Variants in HERC4 observed in about 807,000 individuals in gnomAD.
HERC4 encodes probable E3 ubiquitin-protein ligase HERC4.
In HERC4, 28 loss-of-function variants were observed where a neutral mutation model predicts 124.3. The observed-to-expected ratio is 0.23, with a 90% CI of 0.17 to 0.31. The LOEUF (loss-of-function observed/expected upper bound fraction) is 0.31. HERC4 is among the 10% of genes least tolerant of loss of function. The pLI is 1.00. For synonymous variants in HERC4, 407 were observed against 421.5 expected (o/e 0.97, Z 0.42); for missense variants, 713 against 1,229.3 (o/e 0.58, Z 6.28).
In HERC4 at chr10:68,026,442, TA is replaced by T. The variant is rs1023124105; in HGVS notation, c.778-767del. ...AGCTGCTATAATATACAGATGTTTT[TA>T]AAAAAAACTCCCTATAAAAACATAT... On this transcript the variant is annotated intron_variant, in intron 7 of 24. Coordinates refer to ENST00000373700, the MANE Select transcript of HERC4 (RefSeq NM_015601.4). 1.4e-4 allele frequency among the ~76,000 whole-genome samples: 22 copies of T among 152,002 alleles called. No homozygotes were observed. In the East Asian group the frequency reaches 2.9e-3, roughly 20 times the overall value.
intron 15 of HERC4, among the ~76,000 whole-genome samples, chr10:67,971,487 A>G (rs1204517310): frequency 6.6e-6 from 1 of 150,534 alleles, no homozygotes; most frequent in Non-Finnish European, 1.5e-5. Context: ...TTTAACATCC[A>G]ACTATCAATG....
chr10:67,965,937 T>C (rs904853751), intron 16 of HERC4: 3 of 152,204 alleles, frequency 2.0e-5, no homozygotes, highest in Non-Finnish European at 4.4e-5. Flanking sequence ...TATAAGACCA[T>C]GGTACTATTT....
intron 4 of HERC4, among the ~76,000 whole-genome samples, chr10:68,041,694 ATG>A (rs916907819): frequency 6.6e-6 from 1 of 152,160 alleles, no homozygotes; most frequent in African/African-American, 2.4e-5. Context: ...GTGCAAAGTT[ATG>A]TGTTTCCACT....
At chr10:68,036,086 G>A (rs986390146) in intron 5 of HERC4, among the ~76,000 whole-genome samples, 7 of 151,872 alleles carry the variant, frequency 4.6e-5, no homozygotes, top group Admixed American at 6.6e-5. Flanking sequence ...AGGCTGAGGC[G>A]GGAGGATCAC....
At chr10:68,030,724 C>A (rs1196513938) in intron 7 of HERC4, among the ~76,000 whole-genome samples, 2 of 152,148 alleles carry the variant, frequency 1.3e-5, no homozygotes, top group African/African-American at 4.8e-5. Context: ...AATTTCAAAT[C>A]TTTGGGGTAG....
intron 16 of HERC4, among the ~76,000 whole-genome samples, chr10:67,958,711 T>C (rs1052673664): frequency 2.0e-5 from 3 of 152,244 alleles, no homozygotes; most frequent in African/African-American, 7.2e-5. Context: ...AATTAATCAA[T>C]TTTAAAAATG....
At chr10:67,956,793 G>T in intron 17 of HERC4, 85 bp downstream of exon 17, 1 of 815,302 alleles carries the variant, frequency 1.2e-6, no homozygotes, top group Non-Finnish European at 1.9e-6. Flanking sequence ...CTTCATTACT[G>T]ATCCTAGGAA....
At position 67,927,428 on chromosome 10, in the gene HERC4, A is replaced by AATT. The variant is rs2031228478; in HGVS notation, c.2839-2242_2839-2241insAAT. On this transcript the variant is annotated intron_variant, in intron 23 of 24. Coordinates refer to ENST00000373700, the MANE Select transcript of HERC4 (RefSeq NM_015601.4). The stretch of plus-strand genomic sequence containing the variant: ...TATATATATATATATATATATATAT[A>AATT]TATTTTTTTTTTTTTTTAGATAGAG... 4.7e-4 allele frequency among the ~76,000 whole-genome samples: 12 copies of AATT among 25,630 alleles called. 1 individual carries two copies. The highest frequency in any genetic ancestry group is 6.6e-4 in the African/African-American group (10 of 15,218). 16.8% of individuals were successfully genotyped at this position (25,630 alleles called of 152,430 possible).
intron 24 of HERC4, 82 bp from the exon 25 acceptor site, chr10:67,923,221 G>T: frequency 9.7e-7 from 1 of 1,028,740 alleles, no homozygotes; most frequent in Non-Finnish European, 1.5e-6. Context: ...AGTCGCTACA[G>T]CAGAGCTTCA....
intron 4 of HERC4, chr10:68,040,266 A>G (rs1243579489): frequency 3.1e-6 from 3 of 982,360 alleles, no homozygotes; most frequent in Non-Finnish European, 3.6e-6. Context: ...ATCTTTTACC[A>G]TTATATGCTA....
intron 9 of HERC4, among the ~76,000 whole-genome samples, chr10:67,998,670 C>G (rs1001425199): frequency 1.3e-5 from 2 of 152,054 alleles, no homozygotes; most frequent in Non-Finnish European, 2.9e-5. Context: ...GGTTCTCTAA[C>G]CTTATTGTTT....
chr10:68,047,701 C>T (rs1013758310), intron 3 of HERC4, among the ~76,000 whole-genome samples: 6 of 152,100 alleles, frequency 3.9e-5, no homozygotes, highest in Admixed American at 6.6e-5. Flanking sequence ...CCTATTAGAA[C>T]GGCCACAAGA....
At chr10:67,981,593 C>T (rs1303260536) in intron 15 of HERC4, among the ~76,000 whole-genome samples, 1 of 152,206 alleles carries the variant, frequency 6.6e-6, no homozygotes, top group African/African-American at 2.4e-5. Context: ...CATTGTTCTC[C>T]TTAGCACATG....
chr10:68,022,899 C>T (rs1461825928), intron 8 of HERC4, among the ~76,000 whole-genome samples: 1 of 151,148 alleles, frequency 6.6e-6, no homozygotes, highest in African/African-American at 2.4e-5. Flanking sequence ...TAAAGATGTA[C>T]AAATGGTCAA....
intron 16 of HERC4, among the ~76,000 whole-genome samples, chr10:67,964,611 T>A (rs7477454): frequency 1.3e-5 from 2 of 152,246 alleles, no homozygotes; most frequent in Middle Eastern, 3.4e-3. Context: ...AAGTGATCAT[T>A]CAAAAAGATC....
intron 15 of HERC4, among the ~76,000 whole-genome samples, chr10:67,969,642 G>A (rs1389458400): frequency 6.6e-6 from 1 of 152,156 alleles, no homozygotes; most frequent in Non-Finnish European, 1.5e-5. Context: ...TCTTGTTGCT[G>A]AGGGAGGGAA....
intron 3 of HERC4, among the ~76,000 whole-genome samples, chr10:68,061,190 CTA>C (rs2040992121): frequency 6.6e-6 from 1 of 152,082 alleles, no homozygotes; most frequent in African/African-American, 2.4e-5. Context: ...CAACTTATAC[CTA>C]TGTCATTGCA....
At chr10:67,938,787 T>C (rs1432804385) in intron 21 of HERC4, among the ~76,000 whole-genome samples, 1 of 151,840 alleles carries the variant, frequency 6.6e-6, no homozygotes, top group African/African-American at 2.4e-5. Context: ...CTACTAAAAA[T>C]ACAAAAATTA....
At chr10:68,064,019 G>A (rs1222994735) in intron 3 of HERC4, among the ~76,000 whole-genome samples, 2 of 152,042 alleles carry the variant, frequency 1.3e-5, no homozygotes, top group Non-Finnish European at 1.5e-5. Flanking sequence ...GAAGTGGGCA[G>A]ATCACTTGAG....
Sources: gnomAD v4.1 joint callset for allele counts (sites outside exome capture counted in the v4.1 genomes callset) on GRCh38, gnomAD v4.1.1 for gene constraint, MANE v1.5 for transcripts, NCBI Gene and HGNC (gene_info 2026-07-23, HGNC 2026-07-21) for gene names.